The following LDB2 variants were observed in gnomAD, a reference collection of about 807,000 sequenced individuals.
LDB2 encodes the protein LIM domain binding 2.
LDB2 carries 12 observed loss-of-function variants against 44.3 expected under a neutral mutation model. The observed-to-expected ratio is 0.27, with a 90% CI of 0.17 to 0.44. LDB2 has a LOEUF of 0.44. Ranked by LOEUF, LDB2 falls within the 20% of genes least tolerant of loss-of-function variation. The probability of loss-of-function intolerance (pLI) is 1.00; values close to 1 mark genes in which losing one functional copy is unlikely to be tolerated. For missense variants in LDB2, 344 were observed against 473.5 expected (o/e 0.73, Z 2.54); for synonymous variants, 164 against 174.8 (o/e 0.94, Z 0.49).
intron 5 of LDB2, among the ~76,000 whole-genome samples, chr4:16,514,695 A>T (rs1386534529): frequency 6.6e-6 from 1 of 152,230 alleles, no homozygotes; most frequent in Non-Finnish European, 1.5e-5. Flanking sequence ...AGGAATATGC[A>T]CATCACAGGG....
chr4:16,887,596 T>C (rs1163854200), intron 1 of LDB2, among the ~76,000 whole-genome samples: 1 of 152,114 alleles, frequency 6.6e-6, no homozygotes, highest in East Asian at 1.9e-4. Flanking sequence ...TTTGCTTCTC[T>C]ACACAGATTT....
rs547288290 is a variant in LDB2, at chr4:16,768,193, G to GT, written c.133-8934dup. On this transcript the variant is annotated intron_variant, in intron 1 of 7. Coordinates refer to ENST00000304523, the MANE Select transcript of LDB2 (RefSeq NM_001290.5). ...TAAAGCATCTATTCCTTGAAAATGT[G>GT]TTTTTTTTTTATTAAAATAAACTTA... 9.1e-3 allele frequency among the ~76,000 whole-genome samples: 1,351 copies of GT among 148,878 alleles called. 6 individuals are homozygous for GT. The highest frequency in any genetic ancestry group is 0.013 in the Non-Finnish European group (858 of 66,966).
At chr4:16,554,449 G>C (rs1211265008) in intron 5 of LDB2, among the ~76,000 whole-genome samples, 7 of 152,234 alleles carry the variant, frequency 4.6e-5, no homozygotes, top group Non-Finnish European at 2.9e-5. Context: ...GAAGACTCCT[G>C]ATCTCCTTCC....
chr4:16,789,194 G>A (rs1775164572), intron 1 of LDB2, among the ~76,000 whole-genome samples: 1 of 152,202 alleles, frequency 6.6e-6, no homozygotes, highest in Non-Finnish European at 1.5e-5. Flanking sequence ...TCAGACACCA[G>A]GCAGATGCTG....
chr4:16,684,346 C>T (rs949762700), intron 2 of LDB2, among the ~76,000 whole-genome samples: 2 of 152,114 alleles, frequency 1.3e-5, no homozygotes, highest in Non-Finnish European at 2.9e-5. Context: ...TGTGTGCAAG[C>T]AGAAATACAA....
chr4:16,701,762 G>A (rs1191428666), intron 2 of LDB2, among the ~76,000 whole-genome samples: 1 of 152,152 alleles, frequency 6.6e-6, no homozygotes, highest in African/African-American at 2.4e-5. Context: ...CTAACACTGA[G>A]TAATATTGTT....
At chr4:16,809,399 C>A (rs570067632) in intron 1 of LDB2, among the ~76,000 whole-genome samples, 1 of 152,220 alleles carries the variant, frequency 6.6e-6, no homozygotes, top group Admixed American at 6.5e-5. Context: ...AAAGGCTGTC[C>A]AGGACTGAGG....
chr4:16,556,665 C>G (rs1200293334), intron 5 of LDB2, among the ~76,000 whole-genome samples: 1 of 152,152 alleles, frequency 6.6e-6, no homozygotes, highest in African/African-American at 2.4e-5. Flanking sequence ...TGAGAGACCT[C>G]TAATAAGAGA....
At chr4:16,570,010 C>G (rs1745845036) in intron 5 of LDB2, among the ~76,000 whole-genome samples, 1 of 152,134 alleles carries the variant, frequency 6.6e-6, no homozygotes, top group African/African-American at 2.4e-5. Context: ...CAGAAGTGCT[C>G]TCAAGTATTC....
intron 2 of LDB2, chr4:16,626,981 C>T (rs1437827938): frequency 6.6e-6 from 1 of 152,116 alleles, no homozygotes; most frequent in Non-Finnish European, 1.5e-5. Context: ...GGAGACAGAA[C>T]ACAGAGAACT....
chr4:16,685,625 G>C (rs1371654235), intron 2 of LDB2, among the ~76,000 whole-genome samples: 2 of 152,136 alleles, frequency 1.3e-5, no homozygotes, highest in Non-Finnish European at 2.9e-5. Context: ...GTCCCAATGT[G>C]AATGGAATCC....
At chr4:16,873,601 G>A (rs2056766319) in intron 1 of LDB2, among the ~76,000 whole-genome samples, 1 of 151,874 alleles carries the variant, frequency 6.6e-6, no homozygotes, top group Non-Finnish European at 1.5e-5. Flanking sequence ...TTCCTAAAGA[G>A]TTTTCTAAAA....
intron 2 of LDB2, among the ~76,000 whole-genome samples, chr4:16,728,917 C>T (rs1760123312): frequency 6.6e-6 from 1 of 152,226 alleles, no homozygotes; most frequent in Non-Finnish European, 1.5e-5. Context: ...GCCCAGGCAG[C>T]TTGCATGCAA....
At chr4:16,750,127 C>T (rs938266923) in intron 2 of LDB2, among the ~76,000 whole-genome samples, 4 of 152,130 alleles carry the variant, frequency 2.6e-5, no homozygotes, top group African/African-American at 9.7e-5. Flanking sequence ...TACAATTTTT[C>T]ATTGTTGTGA....
At chr4:16,639,585 C>T (rs1734588205) in intron 2 of LDB2, among the ~76,000 whole-genome samples, 1 of 152,178 alleles carries the variant, frequency 6.6e-6, no homozygotes, top group Admixed American at 6.5e-5. Flanking sequence ...CCTCAGCCTG[C>T]CAAGTAGCTG....
At chr4:16,516,086 C>T (rs900794275) in intron 5 of LDB2, among the ~76,000 whole-genome samples, 4 of 151,670 alleles carry the variant, frequency 2.6e-5, no homozygotes, top group East Asian at 3.9e-4. Flanking sequence ...AGGATGGTCT[C>T]AATCTCCTGA....
intron 1 of LDB2, among the ~76,000 whole-genome samples, chr4:16,869,178 A>C (rs1460402180): frequency 1.3e-5 from 2 of 152,098 alleles, no homozygotes; most frequent in Non-Finnish European, 1.5e-5. Context: ...TCAGGTGAGG[A>C]AGCTGGGGCC....
intron 5 of LDB2, among the ~76,000 whole-genome samples, chr4:16,539,043 C>G (rs1163963297): frequency 6.6e-6 from 1 of 152,154 alleles, no homozygotes; most frequent in Non-Finnish European, 1.5e-5. Context: ...TGCTTGTAAG[C>G]TAATCAGGGA....
intron 2 of LDB2, among the ~76,000 whole-genome samples, chr4:16,685,217 TTGAGTCCCAGGA>T (rs1560874815): frequency 6.6e-6 from 1 of 152,184 alleles, no homozygotes; most frequent in East Asian, 1.9e-4. Context: ...TGAGCAGAGC[TTGAGTCCCAGGA>T]GACCAGGTTC....
Sources: gnomAD v4.1 joint callset for allele counts (sites outside exome capture counted in the v4.1 genomes callset) on GRCh38, gnomAD v4.1.1 for gene constraint, MANE v1.5 for transcripts, NCBI Gene and HGNC (gene_info 2026-07-23, HGNC 2026-07-21) for gene names.